Variants in AGBL4 observed in about 807,000 individuals in gnomAD.
AGBL4 encodes AGBL carboxypeptidase 4, also known as cytosolic carboxypeptidase 6.
In AGBL4, 58 loss-of-function variants were observed where a neutral mutation model predicts 66.4. The ratio of observed to expected loss-of-function variants is 0.87; its 90% CI spans 0.71 to 1.09. The LOEUF (loss-of-function observed/expected upper bound fraction) is 1.09. AGBL4 is among the 50% of genes least tolerant of loss of function. The pLI, the probability that AGBL4 is intolerant of heterozygous loss-of-function variation, is 0.00. For missense variants in AGBL4, 579 were observed against 631.0 expected (o/e 0.92, Z 0.88); for synonymous variants, 234 against 222.9 (o/e 1.05, Z -0.44).
intron 3 of AGBL4, among the ~76,000 whole-genome samples, chr1:49,656,484 G>A (rs1279583641): frequency 6.6e-6 from 1 of 152,112 alleles, no homozygotes; most frequent in East Asian, 1.9e-4. Context: ...GAAAAAGAGG[G>A]AATACTCCCT....
chr1:49,068,485 G>A, intron 4 of AGBL4, among the ~76,000 whole-genome samples: 1 of 151,656 alleles, frequency 6.6e-6, no homozygotes, highest in Non-Finnish European at 1.5e-5. Flanking sequence ...GAGGTGTTTG[G>A]TTTTCTGTTC....
intron 5 of AGBL4, among the ~76,000 whole-genome samples, chr1:48,970,497 C>T (rs984312897): frequency 2.0e-5 from 3 of 152,074 alleles, no homozygotes; most frequent in African/African-American, 7.2e-5. Context: ...TCTGAGGTTC[C>T]CTAACTCCAT....
intron 1 of AGBL4, among the ~76,000 whole-genome samples, chr1:49,869,840 A>G (rs1299830337): frequency 1.3e-5 from 2 of 152,216 alleles, no homozygotes; most frequent in African/African-American, 2.4e-5. Flanking sequence ...AAGGGGATGA[A>G]GAGAGGTTAA....
In AGBL4 at chr1:49,713,565, T is replaced by C. The variant is rs146390543; in HGVS notation, c.158-16128A>G. The stretch of plus-strand genomic sequence containing the variant: ...AGCAAATTGTTTTATTCAGTAGCTT[T>C]TATGTATTAAGAAAAAATTCTTTGA... On this transcript the variant is annotated intron_variant, in intron 2 of 13. Transcript: ENST00000371839. Among the ~76,000 whole-genome samples, 1,219 of 152,152 alleles carry C rather than the reference T, an allele frequency of 8.0e-3. 15 individuals are homozygous for C. The highest frequency in any genetic ancestry group is 0.028 in the African/African-American group (1,172 of 41,556).
chr1:49,488,688 AC>A (rs1400637035), intron 3 of AGBL4, among the ~76,000 whole-genome samples: 1 of 151,034 alleles, frequency 6.6e-6, no homozygotes, highest in East Asian at 1.9e-4. Context: ...CCCACATCCC[AC>A]CCCTCCCACT....
chr1:49,888,622 G>A (rs1648309502), intron 1 of AGBL4, among the ~76,000 whole-genome samples: 1 of 151,998 alleles, frequency 6.6e-6, no homozygotes, highest in Non-Finnish European at 1.5e-5. Flanking sequence ...AAGAAGGATG[G>A]GACTACCAGA....
At position 49,628,623 on chromosome 1, in the gene AGBL4, C is replaced by T. The variant is rs539680817; in HGVS notation, c.282+68690G>A. Among the ~76,000 whole-genome samples the T allele has an allele frequency of 3.0e-4, 46 of 152,174 alleles. No individual in the cohort carries two copies. The East Asian group carries it at 3.3e-3, about 11-fold the overall frequency. On this transcript the variant is annotated intron_variant, in intron 3 of 13. Transcript: ENST00000371839. ...TATAAAGGCCTCCAGGATGAGCAAT[C>T]GACTCCTTCCTATCCTATCCAATCA... is the stretch of plus-strand genomic sequence containing the variant.
At chr1:49,193,532 CT>C (rs879757160) in intron 4 of AGBL4, among the ~76,000 whole-genome samples, 242 of 139,678 alleles carry the variant, frequency 1.7e-3, no homozygotes, top group Non-Finnish European at 1.4e-3. Flanking sequence ...GTATTGATTT[CT>C]TTTTTTTTTT....
At chr1:48,640,831 A>G (rs577428679) in intron 8 of AGBL4, among the ~76,000 whole-genome samples, 34 of 152,342 alleles carry the variant, frequency 2.2e-4, no homozygotes, top group African/African-American at 8.2e-4. Context: ...AGAGAATGTT[A>G]TACAAATGCC....
intron 1 of AGBL4, among the ~76,000 whole-genome samples, chr1:49,864,504 G>A (rs1422085766): frequency 6.6e-6 from 1 of 152,246 alleles, no homozygotes; most frequent in African/African-American, 2.4e-5. Flanking sequence ...GGAAAGACTA[G>A]GTGGTTGGCG....
rs188728924 is a variant in AGBL4, at chr1:49,040,682, G to T, written c.594+4902C>A. ...AGGTTCATCCATATTACGGTGCTAA[G>T]TGAAAAATGCAAGACGCATAAGATT... is the stretch of plus-strand genomic sequence containing the variant. On this transcript the variant is annotated intron_variant, in intron 5 of 13. Transcript: ENST00000371839. Among the ~76,000 whole-genome samples, 22 of 152,182 alleles carry T rather than the reference G, an allele frequency of 1.4e-4. No individual in the cohort carries two copies. The East Asian group carries it at 4.3e-3, about 29-fold the overall frequency.
chr1:49,173,099 A>C (rs2148167960), intron 4 of AGBL4, among the ~76,000 whole-genome samples: 1 of 152,286 alleles, frequency 6.6e-6, no homozygotes, highest in East Asian at 1.9e-4. Context: ...AGCCTGGGTA[A>C]CAAGAGTGAA....
At chr1:48,674,533 A>AGGGG (rs997240471) in intron 6 of AGBL4, among the ~76,000 whole-genome samples, 1 of 17,712 alleles carries the variant, frequency 5.6e-5, no homozygotes, top group Non-Finnish European at 1.3e-4. Flanking sequence ...TGGGGCGGGG[A>AGGGG]GGGGGGGGAT....
At chr1:49,269,603 A>ATGT (rs1644009004) in intron 3 of AGBL4, among the ~76,000 whole-genome samples, 1 of 152,090 alleles carries the variant, frequency 6.6e-6, no homozygotes, top group South Asian at 2.1e-4. Flanking sequence ...ATAAAAGACC[A>ATGT]TGTTGTTAGT....
In AGBL4 at chr1:49,230,908, G is replaced by T. The variant is rs1233283286; in HGVS notation, c.377+14862C>A. On this transcript the variant is annotated intron_variant, in intron 4 of 13. Transcript: ENST00000371839. ...TTCTTTCTGATATACTTGATCATAA[G>T]CCAAAGAGCAAAAAGTATTCTGTTT... is the stretch of plus-strand genomic sequence containing the variant. 2.6e-5 allele frequency among the ~76,000 whole-genome samples: 4 copies of T among 152,050 alleles called. No homozygotes were observed. The East Asian group carries it at 5.8e-4, about 22-fold the overall frequency.
chr1:48,827,611 G>A (rs1474707407), intron 6 of AGBL4, among the ~76,000 whole-genome samples: 1 of 152,150 alleles, frequency 6.6e-6, no homozygotes, highest in Non-Finnish European at 1.5e-5. Context: ...TCAACTCAAG[G>A]CAAACATAAT....
At chr1:49,792,272 A>G (rs1367832292) in intron 2 of AGBL4, among the ~76,000 whole-genome samples, 1 of 152,168 alleles carries the variant, frequency 6.6e-6, no homozygotes, top group East Asian at 1.9e-4. Context: ...TATTTATTAT[A>G]AAAAGGAACC....
intron 9 of AGBL4, among the ~76,000 whole-genome samples, chr1:48,594,853 C>T (rs922557755): frequency 1.3e-5 from 2 of 152,054 alleles, no homozygotes; most frequent in African/African-American, 2.4e-5. Flanking sequence ...GCCCATAAAA[C>T]TCCTCGTACA....
chr1:49,554,657 A>G (rs1435473530), intron 3 of AGBL4, among the ~76,000 whole-genome samples: 2 of 152,184 alleles, frequency 1.3e-5, no homozygotes, highest in Non-Finnish European at 2.9e-5. Flanking sequence ...TGTGTCCAGA[A>G]TTGGTGGTTT....
Sources: gnomAD v4.1 joint callset for allele counts (sites outside exome capture counted in the v4.1 genomes callset) on GRCh38, gnomAD v4.1.1 for gene constraint, MANE v1.5 for transcripts, NCBI Gene and HGNC (gene_info 2026-07-23, HGNC 2026-07-21) for gene names.